HNRNPUL1: variants seen among roughly 807,000 people sequenced by gnomAD.
HNRNPUL1 encodes the protein heterogeneous nuclear ribonucleoprotein U like 1, also known as heterogeneous nuclear ribonucleoprotein U-like protein 1.
Under a neutral mutation model 108.5 loss-of-function variants are expected in HNRNPUL1, and 14 were observed. The observed-to-expected ratio is 0.13, with a 90% CI of 0.09 to 0.20. The LOEUF (loss-of-function observed/expected upper bound fraction) is 0.20, where lower values mean the gene tolerates loss of function less well. HNRNPUL1 is among the 10% of genes least tolerant of loss of function. The pLI is 1.00. For synonymous variants in HNRNPUL1, 422 were observed against 445.2 expected (o/e 0.95, Z 0.66); for missense variants, 804 against 1,168.3 (o/e 0.69, Z 4.55).
chr19:41,292,135 A>T lies in HNRNPUL1; in HGVS notation c.1000-110A>T. On this transcript the variant is annotated intron_variant, in intron 7 of 14. Coordinates refer to ENST00000392006, the MANE Select transcript of HNRNPUL1 (RefSeq NM_007040.6). This position sits in a 1 kb window ranked among gnomAD's most constrained non-coding sequence, Gnocchi z 4.1. ...TGTATGTTGGGGAAGGATGCACTTCAATCTGGAAAGCTGTCCACATTCTAC... is the reference window on the plus strand; with the variant it reads ...TGTATGTTGGGGAAGGATGCACTTCTATCTGGAAAGCTGTCCACATTCTAC... The T allele has an allele frequency of 8.8e-7, 1 of 1,132,576 alleles. No homozygotes were observed. The highest frequency in any genetic ancestry group is 1.3e-6 in the Non-Finnish European group (1 of 766,586). The allele number at this position is 1,132,576 out of a possible 1,614,324, so 70.2% of individuals were successfully genotyped here.
rs1375653304 is a variant in HNRNPUL1 at position 41,304,035 on chromosome 19, A to C, written c.2036A>C (p.Asn679Thr). ...QNRWGNNNRD[N>T]NNSNNRGSYN... ...CGCTGGGGTAACAACAACCGGGATAACAACAACTCCAACAACAGAGGCAGC... is the reference window on the plus strand; with the variant it reads ...CGCTGGGGTAACAACAACCGGGATACCAACAACTCCAACAACAGAGGCAGC... The change falls in exon 13 of 15, where the codon AAC becomes ACC. Residue 679 changes from asparagine to threonine, a missense_variant. By Grantham distance (65) the Asn-to-Thr change is moderately conservative. Transcript: ENST00000392006. 2 of 1,613,944 alleles carry C rather than the reference A, an allele frequency of 1.2e-6. No homozygotes were observed. The highest frequency in any genetic ancestry group is 2.2e-5 in the South Asian group (2 of 91,056).
intron 11 of HNRNPUL1, among the ~76,000 whole-genome samples, chr19:41,302,212 C>CTTTT (rs1568459025): frequency 2.0e-4 from 21 of 104,526 alleles, no homozygotes; most frequent in Non-Finnish European, 2.0e-4. Flanking sequence ...CTCTCTCTCT[C>CTTTT]TGTTTTTTTT....
chr19:41,279,551 C>G (rs1250970637), intron 6 of HNRNPUL1, among the ~76,000 whole-genome samples: 4 of 152,090 alleles, frequency 2.6e-5, no homozygotes, highest in Admixed American at 6.6e-5. Context: ...CGGAGCCTAA[C>G]CTAGAGGAAA....
rs1463363859 is a variant in HNRNPUL1, at chr19:41,281,266, C to G, written c.990C>G (p.Gly330=). ...AGTTTGCAGAGAACGATGTGATTGG[C>G]TGCTTTGCGGTGAGTGCTAGCAGCC... ...GDKFAENDVI[G]CFADFECGND... Residue 330 remains glycine, a synonymous_variant, in exon 7 of 15, where the codon GGC becomes GGG. Transcript: ENST00000392006. 1 of 1,612,668 alleles carries G rather than the reference C, an allele frequency of 6.2e-7. No homozygotes were observed. The highest frequency in any genetic ancestry group is 1.3e-5 in the African/African-American group (1 of 74,904).
At chr19:41,274,375 G>A (rs1050556151) in intron 4 of HNRNPUL1, among the ~76,000 whole-genome samples, 4 of 152,170 alleles carry the variant, frequency 2.6e-5, no homozygotes, top group South Asian at 2.1e-4. Flanking sequence ...ACCCTGAACC[G>A]CCCTGTACAC....
rs374103302 is a variant in HNRNPUL1 at position 41,281,059 on chromosome 19, T to C, written c.887-104T>C. 15 of 748,776 alleles carry C rather than the reference T, an allele frequency of 2.0e-5. No homozygotes were observed. The East Asian group carries it at 2.3e-4, about 12-fold the overall frequency. 46.4% of individuals were successfully genotyped at this position (748,776 alleles called of 1,614,324 possible). Reference sequence around the variant, plus strand: ...AAAGGCATCTGATTAATAAAACTAGTAAAGAAAATGATTTTTTTCTTCAAA... The same window carrying C: ...AAAGGCATCTGATTAATAAAACTAGCAAAGAAAATGATTTTTTTCTTCAAA... On this transcript the variant is annotated intron_variant, in intron 6 of 14. Transcript: ENST00000392006.
chr19:41,282,987 C>T (rs1046832922), intron 7 of HNRNPUL1, among the ~76,000 whole-genome samples: 2 of 152,180 alleles, frequency 1.3e-5, no homozygotes, highest in African/African-American at 4.8e-5. Context: ...AGCCACCGCG[C>T]CCGGCCATTT....
chr19:41,267,209 T>G, intron 1 of HNRNPUL1, among the ~76,000 whole-genome samples: 1 of 152,154 alleles, frequency 6.6e-6, no homozygotes, highest in East Asian at 1.9e-4. Context: ...TGAGATCACA[T>G]GTGAAGGGCT....
chr19:41,292,586 A>G lies in HNRNPUL1; in HGVS notation c.1266+75A>G. On this transcript the variant is annotated intron_variant, in intron 8 of 14. Coordinates refer to ENST00000392006, the MANE Select transcript of HNRNPUL1 (RefSeq NM_007040.6). This position sits in a 1 kb window ranked among gnomAD's most constrained non-coding sequence, Gnocchi z 4.1. ...GAGACACACACACACACACACACAC[A>G]GACTTGCTGCGAGAGTAGCCTTGGG... 1 of 1,500,554 alleles carries G rather than the reference A, an allele frequency of 6.7e-7. No individual in the cohort carries two copies. The highest frequency in any genetic ancestry group is 1.7e-5 in the Admixed American group (1 of 58,114). 93.0% of individuals were successfully genotyped at this position (1,500,554 alleles called of 1,614,324 possible).
At chr19:41,264,324 GTAA>G, upstream of HNRNPUL1, 2 of 486,350 alleles carry the variant, frequency 4.1e-6, no homozygotes, top group Non-Finnish European at 6.7e-6. Flanking sequence ...TGGCACTCAT[GTAA>G]CATCGGACGA....
At chr19:41,272,021 G>C in intron 2 of HNRNPUL1, 61 bp from the exon 3 acceptor site, 1 of 1,580,434 alleles carries the variant, frequency 6.3e-7, no homozygotes, top group Non-Finnish European at 8.6e-7. Flanking sequence ...AAAGGGACCA[G>C]AAAAGTGATA....
intron 3 of HNRNPUL1, among the ~76,000 whole-genome samples, chr19:41,273,579 T>C (rs527315159): frequency 6.6e-6 from 1 of 152,340 alleles, no homozygotes; most frequent in South Asian, 2.1e-4. Flanking sequence ...GGGATTTATA[T>C]AGGCTCTTGC....
intron 7 of HNRNPUL1, among the ~76,000 whole-genome samples, chr19:41,289,593 G>T (rs149071626): frequency 2.0e-5 from 3 of 152,102 alleles, no homozygotes; most frequent in African/African-American, 7.2e-5. Flanking sequence ...TGGCTCTGTT[G>T]GTGGTAGATG....
At chr19:41,305,654 CT>C in intron 13 of HNRNPUL1, 21 bp from the exon 14 acceptor site, 1 of 1,613,928 alleles carries the variant, frequency 6.2e-7, no homozygotes, top group Non-Finnish European at 8.5e-7. Context: ...AGAGCTTTGG[CT>C]TTTTTCCCTC....
chr19:41,265,049 G>A lies in HNRNPUL1; in HGVS notation c.295+251G>A, dbSNP rs1197703585. 4 of 1,397,210 alleles carry A rather than the reference G, an allele frequency of 2.9e-6. No homozygotes were observed. In the African/African-American group the frequency reaches 6.0e-5, roughly 21 times the overall value. 86.6% of individuals were successfully genotyped at this position (1,397,210 alleles called of 1,614,324 possible). ...GGAGGTGAGGGACGGGGGTGGCGGG[G>A]AGGATTCCGTACCGTAGGGATCGGA... On this transcript the variant is annotated intron_variant, in intron 1 of 14. Transcript: ENST00000392006.
chr19:41,277,104 A>G (rs1307239346), intron 5 of HNRNPUL1, among the ~76,000 whole-genome samples: 1 of 147,628 alleles, frequency 6.8e-6, no homozygotes, highest in Non-Finnish European at 1.5e-5. Flanking sequence ...CTCAAAAAAA[A>G]AAAACAAAAA....
chr19:41,291,594 C>T (rs2036578404), intron 7 of HNRNPUL1, among the ~76,000 whole-genome samples: 1 of 152,138 alleles, frequency 6.6e-6, no homozygotes, highest in African/African-American at 2.4e-5. Flanking sequence ...CTGCACCTGT[C>T]TCCTCATCAG....
intron 10 of HNRNPUL1, among the ~76,000 whole-genome samples, chr19:41,295,917 A>G (rs1267677358): frequency 1.3e-5 from 2 of 152,208 alleles, no homozygotes; most frequent in Non-Finnish European, 2.9e-5. Context: ...CCCAGCTCAT[A>G]TTGTGTACAA....
chr19:41,278,823 A>T (rs2035729754), intron 5 of HNRNPUL1, among the ~76,000 whole-genome samples: 1 of 152,176 alleles, frequency 6.6e-6, no homozygotes, highest in Admixed American at 6.5e-5. Context: ...ACTAGATGTT[A>T]CAAGAGTCTC....
Sources: allele counts gnomAD v4.1 joint callset (sites outside exome capture counted in the v4.1 genomes callset), GRCh38; gene constraint gnomAD v4.1.1; non-coding constraint Gnocchi (gnomAD v3.1); transcripts MANE v1.5; gene names NCBI Gene and HGNC (gene_info 2026-07-23, HGNC 2026-07-21).